Variants in BLOC1S5 observed in about 807,000 individuals in gnomAD.
BLOC1S5 encodes the protein biogenesis of lysosome-related organelles complex 1 subunit 5.
In BLOC1S5, 27 loss-of-function variants were observed where a neutral mutation model predicts 24.3. That is an observed-to-expected ratio of 1.11 (90% CI 0.82 to 1.53). The LOEUF is 1.53. Ranked by LOEUF, BLOC1S5 falls within the 40% of genes most tolerant of loss-of-function variation. The probability of loss-of-function intolerance (pLI) is 0.00; values close to 1 mark genes in which losing one functional copy is unlikely to be tolerated. For synonymous variants in BLOC1S5, 84 were observed against 74.5 expected, an observed-to-expected ratio of 1.13 and a Z score of -0.66; for missense variants, 239 against 229.4, an observed-to-expected ratio of 1.04 and a Z score of -0.27.
intron 1 of BLOC1S5, among the ~76,000 whole-genome samples, chr6:8,063,809 T>C (rs1197400878): frequency 6.6e-6 from 1 of 152,134 alleles, no homozygotes; most frequent in Non-Finnish European, 1.5e-5. Flanking sequence ...TACAGTGCTA[T>C]AGAGCGCCTT....
At chr6:8,038,960 A>G (rs193230833) in intron 3 of BLOC1S5, among the ~76,000 whole-genome samples, 96 of 152,364 alleles carry the variant, frequency 6.3e-4, no homozygotes, top group Non-Finnish European at 1.1e-3. Flanking sequence ...CAATTCCACA[A>G]TACTGGGTAT....
intron 2 of BLOC1S5, among the ~76,000 whole-genome samples, chr6:8,052,789 G>T (rs1380020657): frequency 6.6e-6 from 1 of 152,036 alleles, no homozygotes; most frequent in Non-Finnish European, 1.5e-5. Flanking sequence ...CAGCTACTTG[G>T]GAGGCTGAGG....
chr6:8,056,903 C>T (rs539530170), intron 2 of BLOC1S5, among the ~76,000 whole-genome samples: 2 of 152,260 alleles, frequency 1.3e-5, no homozygotes, highest in East Asian at 1.9e-4. Context: ...TCTCTAACAA[C>T]CCATTAATAA....
chr6:8,049,559 A>G (rs1446094159), intron 2 of BLOC1S5, among the ~76,000 whole-genome samples: 2 of 152,192 alleles, frequency 1.3e-5, no homozygotes, highest in Non-Finnish European at 1.5e-5. Flanking sequence ...AACAAAATAC[A>G]TTCAAAGAAG....
intron 2 of BLOC1S5, among the ~76,000 whole-genome samples, chr6:8,060,806 T>C (rs1764484006): frequency 6.6e-6 from 1 of 152,166 alleles, no homozygotes; most frequent in African/African-American, 2.4e-5. Flanking sequence ...AGCAAGTTTG[T>C]ATAGAAATTT....
At chr6:8,031,256 T>G (rs1200833470) in intron 3 of BLOC1S5, among the ~76,000 whole-genome samples, 1 of 152,160 alleles carries the variant, frequency 6.6e-6, no homozygotes, top group Admixed American at 6.5e-5. Flanking sequence ...AAAGCTCCTA[T>G]AACTGGTAAA....
chr6:8,041,408 G>T, intron 2 of BLOC1S5, 140 bp from the exon 3 acceptor site: 1 of 735,362 alleles, frequency 1.4e-6, no homozygotes, highest in Non-Finnish European at 2.0e-6. Context: ...CGCCTCCTGG[G>T]TTCAAGTGAG....
intron 2 of BLOC1S5, among the ~76,000 whole-genome samples, chr6:8,041,655 C>CTTTCTTCTTTTT (rs111955375): frequency 8.9e-6 from 1 of 111,870 alleles, no homozygotes; most frequent in Non-Finnish European, 1.8e-5. Flanking sequence ...TTCTTTCTTT[C>CTTTCTTCTTTTT]TTTTTTTTTG....
chr6:8,046,734 C>T (rs1763912042), intron 2 of BLOC1S5, among the ~76,000 whole-genome samples: 1 of 151,904 alleles, frequency 6.6e-6, no homozygotes. Flanking sequence ...TATATCATTT[C>T]AACTGTTAAA....
At chr6:8,028,158 A>C (rs1214936724) in intron 3 of BLOC1S5, among the ~76,000 whole-genome samples, 1 of 152,174 alleles carries the variant, frequency 6.6e-6, no homozygotes, top group Non-Finnish European at 1.5e-5. Context: ...CAACTAGGTC[A>C]CAAGTTCCAC....
chr6:8,058,486 G>T (rs1376048076), intron 2 of BLOC1S5, among the ~76,000 whole-genome samples: 4 of 149,844 alleles, frequency 2.7e-5, no homozygotes, highest in Non-Finnish European at 4.4e-5. Flanking sequence ...ATGTACAAGA[G>T]AATGGTCTCT....
chr6:8,033,170 G>C (rs1043311309), intron 3 of BLOC1S5, among the ~76,000 whole-genome samples: 8 of 152,066 alleles, frequency 5.3e-5, no homozygotes, highest in African/African-American at 1.9e-4. Flanking sequence ...GCATTGCCAA[G>C]ACAATCCTAA....
chr6:8,018,765 C>T (rs1404867942), intron 4 of BLOC1S5, among the ~76,000 whole-genome samples: 1 of 152,216 alleles, frequency 6.6e-6, no homozygotes, highest in Non-Finnish European at 1.5e-5. Context: ...TTATACAAAT[C>T]ACAAGCGAAG....
intron 3 of BLOC1S5, among the ~76,000 whole-genome samples, chr6:8,039,714 T>G (rs78036058): frequency 1.3e-5 from 2 of 152,024 alleles, no homozygotes; most frequent in African/African-American, 4.8e-5. Context: ...ATGAACAAAT[T>G]ACTAGTGAGT....
At chr6:8,033,357 GA>G (rs1054170835) in intron 3 of BLOC1S5, among the ~76,000 whole-genome samples, 17 of 152,130 alleles carry the variant, frequency 1.1e-4, no homozygotes, top group Middle Eastern at 6.8e-3. Context: ...TGACAAACCT[GA>G]AAAAAACAAG....
chr6:8,047,156 TCTCTCACA>T (rs1203945147), intron 2 of BLOC1S5, among the ~76,000 whole-genome samples: 4 of 59,536 alleles, frequency 6.7e-5, no homozygotes, highest in Non-Finnish European at 1.3e-4. Flanking sequence ...TCTCTCTCTC[TCTCTCACA>T]CACACACACA....
chr6:8,029,488 T>C (rs1411228155), intron 3 of BLOC1S5, among the ~76,000 whole-genome samples: 2 of 152,116 alleles, frequency 1.3e-5, no homozygotes, highest in East Asian at 3.8e-4. Flanking sequence ...CCTTAACCCA[T>C]GGAAAGCATT....
intron 2 of BLOC1S5, among the ~76,000 whole-genome samples, chr6:8,047,549 T>C (rs1763948598): frequency 1.3e-5 from 2 of 152,328 alleles, no homozygotes; most frequent in East Asian, 1.9e-4. Context: ...GAGTTTTATA[T>C]ACTGCAATTG....
At chr6:8,018,893 C>T (rs1762825202) in intron 4 of BLOC1S5, among the ~76,000 whole-genome samples, 1 of 152,194 alleles carries the variant, frequency 6.6e-6, no homozygotes, top group Admixed American at 6.5e-5. Context: ...ATAGAGACAA[C>T]TCAAGAGCAA....
Sources: gnomAD v4.1 joint callset for allele counts (sites outside exome capture counted in the v4.1 genomes callset) on GRCh38, gnomAD v4.1.1 for gene constraint, MANE v1.5 for transcripts, NCBI Gene and HGNC (gene_info 2026-07-23, HGNC 2026-07-21) for gene names.